The following PRX variants were observed in gnomAD, a reference collection of about 807,000 sequenced individuals.
The protein encoded by PRX is periaxin.
PRX carries 24 observed loss-of-function variants against 29.6 expected under a neutral mutation model. The ratio of observed to expected loss-of-function variants is 0.81; its 90% CI spans 0.59 to 1.14. The LOEUF (loss-of-function observed/expected upper bound fraction) is 1.14, where lower values mean the gene tolerates loss of function less well. PRX is among the 50% of genes most tolerant of loss of function. The pLI, the probability that PRX is intolerant of heterozygous loss-of-function variation, is 0.00. For synonymous variants in PRX, 772 were observed against 831.7 expected, an observed-to-expected ratio of 0.93 and a Z score of 1.24; for missense variants, 1,838 against 1,926.4, an observed-to-expected ratio of 0.95 and a Z score of 0.86.
In PRX at chr19:40,396,180, G is replaced by A; in HGVS notation, c.2172C>T (p.Leu724=). Residue 724 remains leucine, a synonymous_variant, in exon 7 of 7, where the codon CTC becomes CTT. Coordinates refer to ENST00000324001, the MANE Select transcript of PRX (RefSeq NM_181882.3). Reference sequence around the variant, plus strand: ...GCACCTTGGGGAGTTTTATCTCTGGGAGCTTCATGTCAGGGACTTTCATTT... The same window carrying A: ...GCACCTTGGGGAGTTTTATCTCTGGAAGCTTCATGTCAGGGACTTTCATTT... ...VCEMKVPDMK[L]PEIKLPKVPE... is the part of the protein sequence containing the mutation. The A allele has an allele frequency of 6.2e-7, 1 of 1,612,680 alleles. No individual in the cohort carries two copies. The highest frequency in any genetic ancestry group is 8.5e-7 in the Non-Finnish European group (1 of 1,179,338).
In PRX at chr19:40,408,240, C is replaced by T. The variant is rs1381516348; in HGVS notation, c.-182G>A. 7.6e-6 allele frequency: 4 copies of T among 529,602 alleles called. No homozygotes were observed. The highest frequency in any genetic ancestry group is 3.2e-5 in the East Asian group (1 of 31,570). The allele number at this position is 529,602 out of a possible 1,614,324, so 32.8% of individuals were successfully genotyped here. Reference sequence around the variant, plus strand: ...GCTGTCTGCAGGGCTCACGCCCTTCCGTGGGGTTCTTGCTGCCTGCCAGGG... The same window carrying T: ...GCTGTCTGCAGGGCTCACGCCCTTCTGTGGGGTTCTTGCTGCCTGCCAGGG... On this transcript the variant is annotated 5_prime_UTR_variant, in exon 3 of 7. Transcript: ENST00000324001.
intron 1 of PRX, among the ~76,000 whole-genome samples, chr19:40,409,630 G>T (rs180762868): frequency 6.6e-6 from 1 of 151,742 alleles, no homozygotes; most frequent in Admixed American, 6.6e-5. Context: ...CCACCACCAC[G>T]CCTGGCTACT....
intron 1 of PRX, among the ~76,000 whole-genome samples, chr19:40,412,927 A>G (rs1446266369): frequency 2.6e-5 from 4 of 152,002 alleles, no homozygotes; most frequent in Non-Finnish European, 5.9e-5. Context: ...GGGCCTCTCT[A>G]TGTGGCCCAG....
rs530370432 is a variant in PRX, at chr19:40,396,070, G to C, written c.2282C>G (p.Pro761Arg). ...SEIRLPEMQV[P>R]KVPDVHLPKA... ...CGGAAGATGCACGTCGGGAACCTTC[G>C]GCACTTGCATTTCCGGCAGCCGAAT... Residue 761 changes from proline to arginine, a missense_variant, in exon 7 of 7, where the codon CCG becomes CGG. Pro to Arg is a moderately radical substitution (Grantham distance 103). Transcript: ENST00000324001. 6 of 1,614,032 alleles carry C rather than the reference G, an allele frequency of 3.7e-6. No homozygotes were observed. The highest frequency in any genetic ancestry group is 5.1e-6 in the Non-Finnish European group (6 of 1,180,052).
chr19:40,400,933 C>T (rs960969203), intron 5 of PRX, among the ~76,000 whole-genome samples: 6 of 152,198 alleles, frequency 3.9e-5, no homozygotes, highest in Admixed American at 1.3e-4. Context: ...CCTAGACTCA[C>T]ATCCAACATC....
rs1337046069 is a variant in PRX, at chr19:40,394,367, G to A, written c.3985C>T (p.Pro1329Ser). 1 of 1,603,486 alleles carries A rather than the reference G, an allele frequency of 6.2e-7. No homozygotes were observed. The highest frequency in any genetic ancestry group is 1.1e-5 in the South Asian group (1 of 89,692). Residue 1329 changes from proline (P) to serine (S), a missense_variant, in exon 7 of 7, where the codon CCC becomes TCC. Coordinates refer to ENST00000324001, the MANE Select transcript of PRX (RefSeq NM_181882.3). The surrounding 1 kb of genome is among the most constrained non-coding windows in gnomAD (Gnocchi z 5.8). The part of the protein sequence containing the change: ...GAEEGEKAKS[P>S]KLRLPRVGFS... ...CCCACTCGGGGCAGCCTGAGTTTGG[G>A]GCTCTTGGCCTTCTCACCCTCCTCG...
chr19:40,407,212 TTGTGTG>T (rs72256185), intron 4 of PRX, among the ~76,000 whole-genome samples: 9,181 of 133,870 alleles, frequency 0.069, 339 homozygotes, highest in Middle Eastern at 0.12. Flanking sequence ...TTATATGCCC[TTGTGTG>T]TGTGTGTGTG....
rs747342782 is a variant in PRX, at chr19:40,397,782, C to G, written c.570G>C (p.Leu190=). 1.3e-6 allele frequency: 2 copies of G among 1,572,294 alleles called. No individual in the cohort carries two copies. The highest frequency in any genetic ancestry group is 8.6e-7 in the Non-Finnish European group (1 of 1,159,350). ...PAAPARRRLQ[L]PRLRVREVAE... ...CCACTTCTCGTACACGCAGCCGAGGCAGCTGGAGGCGCCGGCGGGCAGGGG... is the reference window on the plus strand; with the variant it reads ...CCACTTCTCGTACACGCAGCCGAGGGAGCTGGAGGCGCCGGCGGGCAGGGG... Residue 190 remains leucine (L), a synonymous_variant, in exon 7 of 7, where the codon CTG becomes CTC. Transcript: ENST00000324001.
Position 40,396,075 on chromosome 19 carries a change from T to G in PRX, c.2277A>C (p.Gln759His), listed in dbSNP as rs1178711879. Residue 759 changes from glutamine (Q) to histidine (H), a missense_variant, in exon 7 of 7, where the codon CAA becomes CAC. Gln to His is a conservative substitution (Grantham distance 24). Coordinates refer to ENST00000324001, the MANE Select transcript of PRX (RefSeq NM_181882.3). ...KVSEIRLPEMQVPKVPDVHLP... is the reference protein window; with the variant it reads ...KVSEIRLPEMHVPKVPDVHLP... ...GATGCACGTCGGGAACCTTCGGCAC[T>G]TGCATTTCCGGCAGCCGAATCTCTG... 1.9e-6 allele frequency: 3 copies of G among 1,614,194 alleles called. No homozygotes were observed. The Admixed American group carries it at 5.0e-5, about 27-fold the overall frequency.
In PRX at chr19:40,396,970, G is replaced by A; in HGVS notation, c.1382C>T (p.Pro461Leu). 2 of 1,614,168 alleles carry A rather than the reference G, an allele frequency of 1.2e-6. No individual in the cohort carries two copies. The highest frequency in any genetic ancestry group is 1.6e-4 in the Middle Eastern group (1 of 6,062). The change falls in exon 7 of 7, where the codon CCA becomes CTA. Residue 461 changes from proline (P) to leucine (L), a missense_variant. Pro to Leu is a moderately conservative substitution (Grantham distance 98). Coordinates refer to ENST00000324001, the MANE Select transcript of PRX (RefSeq NM_181882.3). ...KLPKVPEAAL[P>L]EVRLPEVELP... Reference sequence around the variant, plus strand: ...CTCCACCTCTGGGAGTCGAACCTCTGGAAGGGCTGCCTCGGGCACTTTTGG... The same window carrying A: ...CTCCACCTCTGGGAGTCGAACCTCTAGAAGGGCTGCCTCGGGCACTTTTGG...
intron 5 of PRX, among the ~76,000 whole-genome samples, chr19:40,400,782 C>T (rs886290324): frequency 1.3e-5 from 2 of 152,004 alleles, no homozygotes; most frequent in Non-Finnish European, 2.9e-5. Flanking sequence ...GACCTCAGGA[C>T]TTGGACCTCC....
intron 4 of PRX, 120 bp downstream of exon 4, chr19:40,407,786 T>C (rs772237669): frequency 1.6e-4 from 229 of 1,411,376 alleles, no homozygotes; most frequent in Middle Eastern, 1.1e-3. Context: ...CCTGTTATTA[T>C]TTCCATTTCA....
rs767925340 is a variant in PRX, at chr19:40,394,306, G to A, written c.4046C>T (p.Ser1349Phe). 4 of 1,610,910 alleles carry A rather than the reference G, an allele frequency of 2.5e-6. No individual in the cohort carries two copies. Among genetic ancestry groups the A allele is most frequent in the South Asian group, 2.2e-5 (2 of 90,758 alleles). ...SQSEMVTGEG[S>F]PSPEEEEEEE... Reference sequence around the variant, plus strand: ...CTCCTCCTCCTCCTCGGGGCTGGGGGACCCTTCCCCAGTGACCATCTCACT... The same window carrying A: ...CTCCTCCTCCTCCTCGGGGCTGGGGAACCCTTCCCCAGTGACCATCTCACT... The change falls in exon 7 of 7, where the codon TCC (serine) becomes TTC (phenylalanine). Residue 1349 changes from serine to phenylalanine, a missense_variant. By Grantham distance (155) the Ser-to-Phe change is radical. Around this residue, in one of 3 missense-constraint regions of PRX, gnomAD observed 1,143 missense variants for 1,193.0 expected, o/e 0.96. Coordinates refer to ENST00000324001, the MANE Select transcript of PRX (RefSeq NM_181882.3). This position sits in a 1 kb window ranked among gnomAD's most constrained non-coding sequence, Gnocchi z 5.8.
chr19:40,399,039 C>T (rs952518913), intron 5 of PRX, among the ~76,000 whole-genome samples: 1 of 152,166 alleles, frequency 6.6e-6, no homozygotes, highest in African/African-American at 2.4e-5. Flanking sequence ...GCCACGCCCG[C>T]ACCTTGTCGC....
rs937337950 is a variant in PRX, at chr19:40,408,346, G to C, written c.-205C>G. On this transcript the variant is annotated 5_prime_UTR_variant, in exon 2 of 7. Transcript: ENST00000324001. Reference sequence around the variant, plus strand: ...GGCACCAGCCTGCGCTCACCTGAGGGTCACCTCCAGCTCCTTGGGCCTCCT... The same window carrying C: ...GGCACCAGCCTGCGCTCACCTGAGGCTCACCTCCAGCTCCTTGGGCCTCCT... 2 of 341,014 alleles carry C rather than the reference G, an allele frequency of 5.9e-6. No homozygotes were observed. The highest frequency in any genetic ancestry group is 1.1e-5 in the Non-Finnish European group (2 of 177,614). 21.1% of individuals were successfully genotyped at this position (341,014 alleles called of 1,614,324 possible).
rs116855701 is a variant in PRX at position 40,396,251 on chromosome 19, C to T, written c.2101G>A (p.Val701Met). The T allele has an allele frequency of 4.4e-4, 703 of 1,613,740 alleles. 4 individuals carry two copies. The East Asian group carries it at 0.013, about 29-fold the overall frequency. Reference protein sequence around the residue: ...MKLPKVPEMAVPDVHLPEVQL... With the variant: ...MKLPKVPEMAMPDVHLPEVQL... ...ACCTCTGGGAGGTGCACATCGGGCACGGCCATTTCAGGCACCTTGGGGAGT... is the reference window on the plus strand; with the variant it reads ...ACCTCTGGGAGGTGCACATCGGGCATGGCCATTTCAGGCACCTTGGGGAGT... Residue 701 changes from valine (V) to methionine (M), a missense_variant, in exon 7 of 7, where the codon GTG becomes ATG. Val to Met is a conservative substitution (Grantham distance 21). Transcript: ENST00000324001.
At chr19:40,414,055 A>AT (rs2079571053), upstream of PRX, among the ~76,000 whole-genome samples, 1 of 152,142 alleles carries the variant, frequency 6.6e-6, no homozygotes, top group Non-Finnish European at 1.5e-5. Context: ...CACCTATCAC[A>AT]TACTAAGTAC....
rs765769524 is a variant in PRX, at chr19:40,394,479, G to C, written c.3873C>G (p.Tyr1291Ter). ...LSPSGGNHAE[Y>*]QVAEGEGEAG... ...CCTCTCCCTCCCCCTCTGCCACCTG[G>C]TACTCGGCATGGTTGCCCCCGGATG... The change falls in exon 7 of 7, where the codon TAC becomes TAG. Residue 1291 changes from tyrosine (Y) to a stop codon, truncating the protein, a stop_gained. Coordinates refer to ENST00000324001, the MANE Select transcript of PRX (RefSeq NM_181882.3). LOFTEE classifies it high-confidence loss of function. This position sits in a 1 kb window ranked among gnomAD's most constrained non-coding sequence, Gnocchi z 5.8. 3.1e-6 allele frequency: 5 copies of C among 1,601,392 alleles called. No individual in the cohort carries two copies. The highest frequency in any genetic ancestry group is 4.3e-6 in the Non-Finnish European group (5 of 1,174,626).
Position 40,397,127 on chromosome 19 carries a change from C to T in PRX, c.1225G>A (p.Glu409Lys). The T allele has an allele frequency of 6.2e-7, 1 of 1,614,162 alleles. No individual in the cohort carries two copies. Among genetic ancestry groups the T allele is most frequent in the Non-Finnish European group, 8.5e-7 (1 of 1,180,030 alleles). Residue 409 changes from glutamate to lysine, a missense_variant, in exon 7 of 7, where the codon GAA becomes AAA. Transcript: ENST00000324001. ...SLLEPRPAAP[E>K]VVESKLKLPT... is the part of the protein sequence containing the mutation. The stretch of plus-strand genomic sequence containing the variant: ...AGCTTCAGCTTGCTCTCTACAACTT[C>T]AGGAGCAGCGGGCCGGGGCTCCAAG...
Sources: gnomAD v4.1 joint callset for allele counts (sites outside exome capture counted in the v4.1 genomes callset) on GRCh38, gnomAD v4.1.1 for gene constraint, gnomAD v4.1.1 regional missense constraint, Gnocchi (gnomAD v3.1) non-coding constraint, MANE v1.5 for transcripts, NCBI Gene and HGNC (gene_info 2026-07-23, HGNC 2026-07-21) for gene names.